The following SPEF2 variants were observed in gnomAD, a reference collection of about 807,000 sequenced individuals.
SPEF2 encodes the protein sperm flagella and cilia-associated protein 2.
A neutral mutation model predicts 224.6 loss-of-function variants in SPEF2; 187 were observed. The ratio of observed to expected loss-of-function variants is 0.83; its 90% CI spans 0.74 to 0.94. The LOEUF is 0.94. Ranked by LOEUF, SPEF2 falls within the 40% of genes least tolerant of loss-of-function variation. SPEF2 has a pLI of 0.00. For missense variants in SPEF2, 2,170 were observed against 2,135.6 expected (o/e 1.02, Z -0.32); for synonymous variants, 715 against 707.3 (o/e 1.01, Z -0.17).
intron 27 of SPEF2, among the ~76,000 whole-genome samples, chr5:35,772,212 C>T (rs1357289469): frequency 6.6e-6 from 1 of 152,166 alleles, no homozygotes; most frequent in South Asian, 2.1e-4. Flanking sequence ...TCAGAAAATA[C>T]GTCTTGAAAG....
At position 35,714,164 on chromosome 5, in the gene SPEF2, A is replaced by G. The variant is rs191044045; in HGVS notation, c.2914+1278A>G. ...TAACTACATACTGGCAACGGATTTT[A>G]ATGGTTTTACTTTGTTCTAAATTGT... On this transcript the variant is annotated intron_variant, in intron 20 of 36. Coordinates refer to ENST00000356031, the MANE Select transcript of SPEF2 (RefSeq NM_024867.4). Among the ~76,000 whole-genome samples the G allele has an allele frequency of 1.8e-4, 27 of 149,600 alleles. 2 individuals carry two copies. The highest frequency in any genetic ancestry group is 1.8e-3 in the Admixed American group (26 of 14,528).
rs1012415401 is a variant in SPEF2, at chr5:35,628,565, TAGTG to T, written c.161+6_161+9del. The T allele has an allele frequency of 6.9e-6, 11 of 1,584,840 alleles. No individual in the cohort carries two copies. The African/African-American group carries it at 1.5e-4, about 21-fold the overall frequency. ...TTTTCAGAATTTTTGGACAGCAGGT[TAGTG>T]AGATTATTCCTTTTTGTTGTTGTTG... On this transcript the variant is annotated splice_donor_5th_base_variant and intron_variant, in intron 2 of 36. Transcript: ENST00000356031.
intron 21 of SPEF2, among the ~76,000 whole-genome samples, chr5:35,733,196 G>A (rs548248486): frequency 6.6e-6 from 1 of 151,954 alleles, no homozygotes; most frequent in South Asian, 2.1e-4. Context: ...CTCACTGCAA[G>A]CACCGCCTCC....
At chr5:35,746,313 C>G (rs1370856335) in intron 23 of SPEF2, among the ~76,000 whole-genome samples, 1 of 152,000 alleles carries the variant, frequency 6.6e-6, no homozygotes, top group Non-Finnish European at 1.5e-5. Flanking sequence ...TGGATCCAAA[C>G]CAAGAAATCC....
At chr5:35,812,572 A>G (rs2149881627) in intron 36 of SPEF2, among the ~76,000 whole-genome samples, 1 of 152,346 alleles carries the variant, frequency 6.6e-6, no homozygotes, top group South Asian at 2.1e-4. Flanking sequence ...ATAAATGTAA[A>G]TGAATAAACA....
intron 25 of SPEF2, among the ~76,000 whole-genome samples, chr5:35,760,508 A>G (rs895989010): frequency 6.6e-6 from 1 of 152,226 alleles, no homozygotes; most frequent in Admixed American, 6.5e-5. Context: ...AGAAACAGTA[A>G]AGTCTCAGTA....
At chr5:35,695,185 T>TAA (rs1755116813) in intron 13 of SPEF2, among the ~76,000 whole-genome samples, 1 of 152,110 alleles carries the variant, frequency 6.6e-6, no homozygotes. Context: ...AGTTGATTTT[T>TAA]AAAACTATTA....
intron 30 of SPEF2, among the ~76,000 whole-genome samples, 178 bp downstream of exon 30, chr5:35,779,524 A>G (rs1050417794): frequency 2.6e-5 from 4 of 152,242 alleles, no homozygotes; most frequent in African/African-American, 9.6e-5. Context: ...TAATTAAACA[A>G]GCAGGACCCA....
intron 10 of SPEF2, among the ~76,000 whole-genome samples, chr5:35,678,060 C>T (rs968641117): frequency 9.8e-5 from 15 of 152,342 alleles, no homozygotes; most frequent in African/African-American, 3.1e-4. Context: ...GAGTATTGAC[C>T]GTGGCCAGTG....
intron 21 of SPEF2, among the ~76,000 whole-genome samples, chr5:35,734,851 A>G (rs960130695): frequency 3.3e-5 from 5 of 151,572 alleles, no homozygotes; most frequent in Admixed American, 6.6e-5. Flanking sequence ...AGCTGAGACT[A>G]CAGGTGCATG....
intron 24 of SPEF2, among the ~76,000 whole-genome samples, chr5:35,758,891 G>C (rs1222067212): frequency 6.7e-6 from 1 of 150,168 alleles, no homozygotes; most frequent in African/African-American, 2.5e-5. Context: ...CTGTAAACCC[G>C]GCTACTCAGG....
intron 4 of SPEF2, among the ~76,000 whole-genome samples, chr5:35,645,141 A>G (rs1277221202): frequency 6.6e-6 from 1 of 152,218 alleles, no homozygotes; most frequent in Non-Finnish European, 1.5e-5. Flanking sequence ...GAAATCATTA[A>G]AGATTTTTAA....
intron 33 of SPEF2, among the ~76,000 whole-genome samples, chr5:35,797,476 A>G (rs1325153969): frequency 6.6e-6 from 1 of 152,166 alleles, no homozygotes; most frequent in Non-Finnish European, 1.5e-5. Context: ...ACACTGGGAT[A>G]AAAGCACAGA....
chr5:35,727,530 G>T, intron 20 of SPEF2, 145 bp from the exon 21 acceptor site: 2 of 606,266 alleles, frequency 3.3e-6, no homozygotes, highest in Non-Finnish European at 5.5e-6. Flanking sequence ...TGGAGAATAA[G>T]GATTTTTTGT....
At chr5:35,780,441 G>C (rs909523386) in intron 30 of SPEF2, among the ~76,000 whole-genome samples, 1 of 152,152 alleles carries the variant, frequency 6.6e-6, no homozygotes, top group Non-Finnish European at 1.5e-5. Context: ...AGGCTTTACA[G>C]CTCCAAGGTA....
chr5:35,741,344 T>C (rs1039865715), intron 23 of SPEF2, among the ~76,000 whole-genome samples: 10 of 152,120 alleles, frequency 6.6e-5, no homozygotes, highest in African/African-American at 2.4e-4. Context: ...GGGTAAGCCA[T>C]GTAAATATTT....
intron 23 of SPEF2, among the ~76,000 whole-genome samples, chr5:35,742,117 C>T (rs1747747054): frequency 6.6e-6 from 1 of 152,084 alleles, no homozygotes; most frequent in Non-Finnish European, 1.5e-5. Context: ...GTCAATAGAA[C>T]ATGTTTTCTT....
chr5:35,801,258 G>A (rs1200986379), intron 34 of SPEF2, among the ~76,000 whole-genome samples: 8 of 152,218 alleles, frequency 5.3e-5, no homozygotes, highest in African/African-American at 2.4e-5. Flanking sequence ...GCTCCCACCT[G>A]TAATCCCAGC....
At chr5:35,746,307 T>C (rs112582867) in intron 23 of SPEF2, among the ~76,000 whole-genome samples, 4,716 of 152,088 alleles carry the variant, frequency 0.031, 212 homozygotes, top group South Asian at 0.12. Context: ...CAGCAATGGA[T>C]CCAAACCAAG....
Sources: gnomAD v4.1 joint callset for allele counts (sites outside exome capture counted in the v4.1 genomes callset) on GRCh38, gnomAD v4.1.1 for gene constraint, MANE v1.5 for transcripts, NCBI Gene and HGNC (gene_info 2026-07-23, HGNC 2026-07-21) for gene names.